TTC19: variants seen among roughly 807,000 people sequenced by gnomAD.
TTC19 encodes the protein tetratricopeptide repeat domain 19.
TTC19 carries 38 observed loss-of-function variants against 49.5 expected under a neutral mutation model. The observed-to-expected ratio is 0.77, with a 90% CI of 0.59 to 1.01. The LOEUF (loss-of-function observed/expected upper bound fraction) is 1.01, where lower values mean the gene tolerates loss of function less well. Among genes scored for constraint, TTC19 ranks in the 50% least tolerant of loss-of-function variants. The pLI is 0.00. For synonymous variants in TTC19, 204 were observed against 185.2 expected, an observed-to-expected ratio of 1.10 and a Z score of -0.83; for missense variants, 475 against 477.7, an observed-to-expected ratio of 0.99 and a Z score of 0.05.
intron 7 of TTC19, among the ~76,000 whole-genome samples, chr17:16,019,254 A>G (rs919849427): frequency 2.6e-5 from 4 of 152,116 alleles, no homozygotes; most frequent in Non-Finnish European, 5.9e-5. Flanking sequence ...AATCGCTTCA[A>G]CCTGAGAGGC....
chr17:16,024,858 G>A, intron 7 of TTC19, 159 bp from the exon 8 acceptor site: 1 of 679,782 alleles, frequency 1.5e-6, no homozygotes, highest in Non-Finnish European at 2.6e-6. Context: ...GTGGGCTGAA[G>A]TTCCATGATT....
intron 7 of TTC19, among the ~76,000 whole-genome samples, chr17:16,017,357 G>A (rs1437000902): frequency 6.6e-6 from 1 of 150,626 alleles, no homozygotes; most frequent in Non-Finnish European, 1.5e-5. Flanking sequence ...GCTGAGGCAG[G>A]AGAATGGCAC....
intron 8 of TTC19, among the ~76,000 whole-genome samples, chr17:16,025,735 G>A (rs1413939769): frequency 2.0e-5 from 3 of 152,196 alleles, no homozygotes; most frequent in Non-Finnish European, 4.4e-5. Flanking sequence ...TTAGATGTAA[G>A]GAGTGCATTG....
At chr17:16,012,077 C>T (rs1203882891) in intron 7 of TTC19, among the ~76,000 whole-genome samples, 3 of 151,030 alleles carry the variant, frequency 2.0e-5, no homozygotes, top group Non-Finnish European at 4.4e-5. Flanking sequence ...TTTATTGGAG[C>T]TTTATTGTAA....
chr17:16,004,182 C>T lies in TTC19; in HGVS notation c.520-19C>T, dbSNP rs1437828061. 1.9e-6 allele frequency: 3 copies of T among 1,612,918 alleles called. No individual in the cohort carries two copies. The highest frequency in any genetic ancestry group is 1.3e-5 in the African/African-American group (1 of 75,030). On this transcript the variant is annotated intron_variant, in intron 5 of 9. Coordinates refer to ENST00000261647, the MANE Select transcript of TTC19 (RefSeq NM_017775.4). Reference sequence around the variant, plus strand: ...AAATTTACTTGTTATGAGTTCCCTTCATTCTCTTTCTCTCACAGGAGGACA... The same window carrying T: ...AAATTTACTTGTTATGAGTTCCCTTTATTCTCTTTCTCTCACAGGAGGACA...
Position 16,000,206 on chromosome 17 carries a change from G to T in TTC19, c.273G>T (p.Glu91Asp), listed in dbSNP as rs779553019. 1.3e-6 allele frequency: 2 copies of T among 1,594,700 alleles called. No individual in the cohort carries two copies. Among genetic ancestry groups the T allele is most frequent in the Admixed American group, 3.3e-5 (2 of 59,880 alleles). Reference sequence around the variant, plus strand: ...CCGCTGCCGAGGACGGGGCGGACGAGGCCGAGGCAGAGATCATCCAGCTGC... The same window carrying T: ...CCGCTGCCGAGGACGGGGCGGACGATGCCGAGGCAGAGATCATCCAGCTGC... ...DGAAAEDGAD[E>D]AEAEIIQLLK... The change falls in exon 2 of 10, where the codon GAG becomes GAT. Residue 91 changes from glutamate (E) to aspartate (D), a missense_variant. By Grantham distance (45) the Glu-to-Asp change is conservative. Coordinates refer to ENST00000261647, the MANE Select transcript of TTC19 (RefSeq NM_017775.4).
intron 7 of TTC19, among the ~76,000 whole-genome samples, chr17:16,012,727 G>A (rs931418097): frequency 2.6e-5 from 4 of 151,592 alleles, no homozygotes; most frequent in African/African-American, 9.7e-5. Flanking sequence ...TAGTAGAGAC[G>A]GGGTTTCTCC....
intron 2 of TTC19, among the ~76,000 whole-genome samples, chr17:16,041,538 C>T (rs918407709): frequency 9.3e-5 from 14 of 150,634 alleles, no homozygotes; most frequent in African/African-American, 2.7e-4. Flanking sequence ...CTCAGCCTCC[C>T]GAGCAGCTGG....
In TTC19 at chr17:16,018,666, C is replaced by G. The variant is rs1276130839; in HGVS notation, c.677-6351C>G. Reference sequence around the variant, plus strand: ...AGACTGCATGCTCATGTCACCATGCCTGGCTAATTTCCGGATTTTTTCATA... The same window carrying G: ...AGACTGCATGCTCATGTCACCATGCGTGGCTAATTTCCGGATTTTTTCATA... On this transcript the variant is annotated intron_variant, in intron 7 of 9. Transcript: ENST00000261647. 2.0e-5 allele frequency among the ~76,000 whole-genome samples: 3 copies of G among 152,050 alleles called. No individual in the cohort carries two copies. The East Asian group carries it at 5.8e-4, about 29-fold the overall frequency.
At chr17:16,044,991 G>GA (rs1208955410) in exon 3 of TTC19, 1 of 376,176 alleles carries the variant, frequency 2.7e-6, no homozygotes, top group Non-Finnish European at 4.9e-6. Context: ...ATACAAAGCT[G>GA]AACTTAAGAA....
At position 16,028,135 on chromosome 17, in the gene TTC19, A is replaced by C. The variant is rs1017413316; in HGVS notation, c.*613A>C. 6.6e-6 allele frequency: 3 copies of C among 454,002 alleles called. No homozygotes were observed. The highest frequency in any genetic ancestry group is 4.7e-5 in the Admixed American group (2 of 42,548). 28.1% of individuals were successfully genotyped at this position (454,002 alleles called of 1,614,324 possible). A position where few individuals can be genotyped will look rare whatever the true frequency, so the allele number is the denominator to read the frequency against. On this transcript the variant is annotated 3_prime_UTR_variant, in exon 10 of 10. Transcript: ENST00000261647. ...TAGCACCCATTTGAATTTAAATAAA[A>C]GTGAACCATATTTATCTGGTTATAT...
intron 7 of TTC19, among the ~76,000 whole-genome samples, chr17:16,008,072 C>A (rs771766377): frequency 6.6e-6 from 1 of 152,186 alleles, no homozygotes; most frequent in Non-Finnish European, 1.5e-5. Context: ...GGTGAATAGA[C>A]TTCCCTACCT....
chr17:16,044,791 G>A, exon 3 of TTC19: 1 of 1,106,954 alleles, frequency 9.0e-7, no homozygotes, highest in Non-Finnish European at 1.4e-6. Context: ...TCAACATTGG[G>A]AGCCTCATCT....
chr17:16,006,879 T>C (rs1212783432), intron 7 of TTC19, among the ~76,000 whole-genome samples: 1 of 152,178 alleles, frequency 6.6e-6, no homozygotes, highest in Admixed American at 6.5e-5. Flanking sequence ...CTCGTATCTC[T>C]TAGTTCAGCT....
chr17:16,029,142 G>A lies in TTC19; in HGVS notation c.*1620G>A, dbSNP rs566865770. 14 of 452,710 alleles carry A rather than the reference G, an allele frequency of 3.1e-5. No individual in the cohort carries two copies. Among genetic ancestry groups the A allele is most frequent in the South Asian group, 7.8e-5 (5 of 63,986 alleles). The allele number at this position is 452,710 out of a possible 1,614,324, so 28.0% of individuals were successfully genotyped here. A position where few individuals can be genotyped will look rare whatever the true frequency, so the allele number is the denominator to read the frequency against. ...ATGTTTTTACCTTTTCACAACTGCAGGGGTTACTGAAAGGTTTTTCATTCC... is the reference window on the plus strand; with the variant it reads ...ATGTTTTTACCTTTTCACAACTGCAAGGGTTACTGAAAGGTTTTTCATTCC... On this transcript the variant is annotated 3_prime_UTR_variant, in exon 10 of 10. Coordinates refer to ENST00000261647, the MANE Select transcript of TTC19 (RefSeq NM_017775.4).
intron 7 of TTC19, among the ~76,000 whole-genome samples, chr17:16,007,165 A>C (rs543671423): frequency 6.6e-6 from 1 of 152,188 alleles, no homozygotes; most frequent in Non-Finnish European, 1.5e-5. Context: ...TTCTGTACCT[A>C]GTGGTCTTCT....
intron 7 of TTC19, among the ~76,000 whole-genome samples, chr17:16,015,385 A>G (rs1971185469): frequency 7.0e-6 from 1 of 142,338 alleles, no homozygotes; most frequent in African/African-American, 3.1e-5. Context: ...CAAATTTTAT[A>G]ACTATTAATT....
intron 7 of TTC19, among the ~76,000 whole-genome samples, chr17:16,008,262 A>T (rs1970969170): frequency 6.6e-6 from 1 of 152,192 alleles, no homozygotes; most frequent in South Asian, 2.1e-4. Context: ...CTTGACTTGA[A>T]GTCTAATGGT....
chr17:16,040,530 T>A (rs1173465203), intron 2 of TTC19: 4 of 1,581,380 alleles, frequency 2.5e-6, no homozygotes, highest in Non-Finnish European at 2.6e-6. Context: ...AATTAAGATG[T>A]GATAATCATA....
Sources: allele counts gnomAD v4.1 joint callset (sites outside exome capture counted in the v4.1 genomes callset), GRCh38; gene constraint gnomAD v4.1.1; transcripts MANE v1.5; gene names NCBI Gene and HGNC (gene_info 2026-07-23, HGNC 2026-07-21).